The following KASH5 variants were observed in gnomAD, a reference collection of about 807,000 sequenced individuals.
The protein encoded by KASH5 is protein KASH5.
KASH5 carries 72 observed loss-of-function variants against 84.2 expected under a neutral mutation model. The ratio of observed to expected loss-of-function variants is 0.85; its 90% CI spans 0.71 to 1.04. The LOEUF (loss-of-function observed/expected upper bound fraction) is 1.04. Among genes scored for constraint, KASH5 ranks in the 50% least tolerant of loss-of-function variants. The pLI, the probability that KASH5 is intolerant of heterozygous loss-of-function variation, is 0.00. For synonymous variants in KASH5, 260 were observed against 279.1 expected (o/e 0.93, Z 0.68); for missense variants, 650 against 701.0 (o/e 0.93, Z 0.82).
At chr19:49,398,399 C>T (rs1974256099) in intron 7 of KASH5, among the ~76,000 whole-genome samples, 1 of 147,528 alleles carries the variant, frequency 6.8e-6, no homozygotes, top group Non-Finnish European at 1.5e-5. Context: ...GACAGGTTCT[C>T]ACTCTGTCAC....
Position 49,412,914 on chromosome 19 carries a change from T to G in KASH5, c.1270-54T>G. The G allele has an allele frequency of 1.3e-6, 2 of 1,582,646 alleles. No individual in the cohort carries two copies. Among genetic ancestry groups the G allele is most frequent in the Non-Finnish European group, 8.6e-7 (1 of 1,156,614 alleles). ...GGGGAGACAGTGGGCACTGTTAGGG[T>G]TGGAGCTTTGAGTGAGAAGAATCAG... On this transcript the variant is annotated intron_variant, in intron 15 of 19. Transcript: ENST00000447857. The surrounding 1 kb of genome is among the most constrained non-coding windows in gnomAD (Gnocchi z 4.6).
Position 49,395,183 on chromosome 19 carries a change from A to T in KASH5, c.226A>T (p.Thr76Ser), listed in dbSNP as rs1974134509. 6.2e-7 allele frequency: 1 copy of T among 1,612,916 alleles called. No homozygotes were observed. The highest frequency in any genetic ancestry group is 1.7e-5 in the Admixed American group (1 of 59,762). The change falls in exon 4 of 20, where the codon ACA (threonine) becomes TCA (serine). Residue 76 changes from threonine (T) to serine (S), a missense_variant. Coordinates refer to ENST00000447857, the MANE Select transcript of KASH5 (RefSeq NM_144688.5). This position sits in a 1 kb window ranked among gnomAD's most constrained non-coding sequence, Gnocchi z 4.4. ...GQGPQDARLQTLANSLDPNGE... is the reference protein window; with the variant it reads ...GQGPQDARLQSLANSLDPNGE... ...GGGCCCCCAGGATGCACGCCTCCAA[A>T]CATTGGCCAACAGCCTGGACCCCAA...
In KASH5 at chr19:49,417,625, C is replaced by CAGGGG. The variant is rs1424616231; in HGVS notation, c.*117_*121dup. 1 of 1,269,652 alleles carries CAGGGG rather than the reference C, an allele frequency of 7.9e-7. No individual in the cohort carries two copies. The highest frequency in any genetic ancestry group is 1.5e-5 in the African/African-American group (1 of 66,782). The allele number at this position is 1,269,652 out of a possible 1,614,324, so 78.6% of individuals were successfully genotyped here. On this transcript the variant is annotated 3_prime_UTR_variant, in exon 20 of 20. Transcript: ENST00000447857. The surrounding 1 kb of genome is among the most constrained non-coding windows in gnomAD (Gnocchi z 5.2). ...GCGCAGGCTTACCCTAGATAGAGTA[C>CAGGGG]AGGGGATCCACATCCCTGTATTTTT...
Position 49,412,606 on chromosome 19 carries a change from G to A in KASH5, c.1270-362G>A, listed in dbSNP as rs534005210. 5.9e-5 allele frequency among the ~76,000 whole-genome samples: 9 copies of A among 152,284 alleles called. No individual in the cohort carries two copies. The highest frequency in any genetic ancestry group is 5.8e-4 in the East Asian group (3 of 5,186). ...GTCTGGGAACCTGGGATGAGAAGGCGGTTGGACAGGGAAATGCTGATCTCC... is the reference window on the plus strand; with the variant it reads ...GTCTGGGAACCTGGGATGAGAAGGCAGTTGGACAGGGAAATGCTGATCTCC... On this transcript the variant is annotated intron_variant, in intron 15 of 19. Transcript: ENST00000447857. The surrounding 1 kb of genome is among the most constrained non-coding windows in gnomAD (Gnocchi z 4.6).
Position 49,412,823 on chromosome 19 carries a change from AGGT to A in KASH5, c.1270-140_1270-138del. On this transcript the variant is annotated intron_variant, in intron 15 of 19. Transcript: ENST00000447857. This position sits in a 1 kb window ranked among gnomAD's most constrained non-coding sequence, Gnocchi z 4.6. ...GCACGAGAGGAGGGCAGGTTGTAGA[AGGT>A]GGTGAATTCATGTGTAGGTTGCAGC... is the stretch of plus-strand genomic sequence containing the variant. 4.3e-6 allele frequency: 3 copies of A among 692,634 alleles called. No individual in the cohort carries two copies. The South Asian group carries it at 5.3e-5, about 12-fold the overall frequency. The allele number at this position is 692,634 out of a possible 1,614,324, so 42.9% of individuals were successfully genotyped here. A position where few individuals can be genotyped will look rare whatever the true frequency, so the allele number is the denominator to read the frequency against.
intron 7 of KASH5, 79 bp downstream of exon 7, chr19:49,398,222 GCTCGTGT>G: frequency 7.8e-7 from 1 of 1,282,672 alleles, no homozygotes; most frequent in Non-Finnish European, 1.1e-6. Context: ...TATCTCCCAT[GCTCGTGT>G]CTGCATCCTG....
At chr19:49,413,052 C>T (rs764222758) in intron 16 of KASH5, 26 bp downstream of exon 16, 3 of 1,607,140 alleles carry the variant, frequency 1.9e-6, no homozygotes, top group Non-Finnish European at 2.5e-6. Context: ...ATCCGTCTGC[C>T]TCAGGGTGAC....
chr19:49,407,370 G>T, intron 11 of KASH5, 74 bp downstream of exon 11: 1 of 1,519,840 alleles, frequency 6.6e-7, no homozygotes, highest in Non-Finnish European at 9.1e-7. Context: ...GTCTAGAAAG[G>T]GAAGTCCTAC....
intron 9 of KASH5, among the ~76,000 whole-genome samples, chr19:49,401,471 A>G (rs1974358653): frequency 6.6e-6 from 1 of 152,186 alleles, no homozygotes. Flanking sequence ...AGGTCTGGAG[A>G]GGACCCACCA....
In KASH5 at chr19:49,390,942, C is replaced by T. The variant is rs752988050; in HGVS notation, c.43+16C>T. ...ACTGCGGAAAGTAAGTGGCTGGAAC[C>T]CTATTTGCCCCGGGGAGGGTGAGGA... On this transcript the variant is annotated intron_variant, in intron 2 of 19. Coordinates refer to ENST00000447857, the MANE Select transcript of KASH5 (RefSeq NM_144688.5). The T allele has an allele frequency of 6.2e-7, 1 of 1,605,160 alleles. No individual in the cohort carries two copies. The highest frequency in any genetic ancestry group is 8.5e-7 in the Non-Finnish European group (1 of 1,176,272).
chr19:49,399,730 C>T lies in KASH5; in HGVS notation c.798+223C>T. The T allele has an allele frequency of 8.2e-6, 11 of 1,340,884 alleles. No individual in the cohort carries two copies. The highest frequency in any genetic ancestry group is 1.1e-5 in the Non-Finnish European group (11 of 1,013,500). 83.1% of individuals were successfully genotyped at this position (1,340,884 alleles called of 1,614,324 possible). On this transcript the variant is annotated intron_variant, in intron 9 of 19. Coordinates refer to ENST00000447857, the MANE Select transcript of KASH5 (RefSeq NM_144688.5). The surrounding 1 kb of genome is among the most constrained non-coding windows in gnomAD (Gnocchi z 4.4). ...CCTACATGGCTTCAGGCTGAGGCCA[C>T]CTACATAAGAGTGGACCAGTGCCTC...
rs766054182 is a variant in KASH5, at chr19:49,395,202, A to G, written c.245A>G (p.Asp82Gly). ...CTCCAAACATTGGCCAACAGCCTGGACCCCAATGGGGAGGGCCCTAAGGCC... is the reference window on the plus strand; with the variant it reads ...CTCCAAACATTGGCCAACAGCCTGGGCCCCAATGGGGAGGGCCCTAAGGCC... ...ARLQTLANSL[D>G]PNGEGPKATV... Residue 82 changes from aspartate (D) to glycine (G), a missense_variant, in exon 4 of 20, where the codon GAC becomes GGC. Asp to Gly is a moderately conservative substitution (Grantham distance 94). Coordinates refer to ENST00000447857, the MANE Select transcript of KASH5 (RefSeq NM_144688.5). The surrounding 1 kb of genome is among the most constrained non-coding windows in gnomAD (Gnocchi z 4.4). The G allele has an allele frequency of 9.9e-6, 16 of 1,612,430 alleles. No homozygotes were observed. Among genetic ancestry groups the G allele is most frequent in the African/African-American group, 1.3e-5 (1 of 74,830 alleles).
chr19:49,392,428 TC>T, intron 2 of KASH5, among the ~76,000 whole-genome samples: 2 of 152,008 alleles, frequency 1.3e-5, no homozygotes, highest in East Asian at 3.9e-4. Context: ...AAGGAGATCT[TC>T]CTGAGGAACA....
rs1974753938 is a variant in KASH5, at chr19:49,412,534, C to A, written c.1270-434C>A. Among the ~76,000 whole-genome samples the A allele has an allele frequency of 6.6e-6, 1 of 152,098 alleles. No individual in the cohort carries two copies. The highest frequency in any genetic ancestry group is 1.5e-5 in the Non-Finnish European group (1 of 68,016). ...CAATGCCAATATGTCTCTGGAGAAACCGAGAGGTACTTGGGTCCTGAGGGA... is the reference window on the plus strand; with the variant it reads ...CAATGCCAATATGTCTCTGGAGAAAACGAGAGGTACTTGGGTCCTGAGGGA... On this transcript the variant is annotated intron_variant, in intron 15 of 19. Coordinates refer to ENST00000447857, the MANE Select transcript of KASH5 (RefSeq NM_144688.5). This position sits in a 1 kb window ranked among gnomAD's most constrained non-coding sequence, Gnocchi z 4.6.
rs58307023 is a variant in KASH5 at position 49,417,639 on chromosome 19, C to T, written c.*129C>T. 3.5e-3 allele frequency: 4,136 copies of T among 1,175,136 alleles called. 95 individuals are homozygous for T. The African/African-American group carries it at 0.053, about 15-fold the overall frequency. The allele number at this position is 1,175,136 out of a possible 1,614,324, so 72.8% of individuals were successfully genotyped here. A position where few individuals can be genotyped will look rare whatever the true frequency, so the allele number is the denominator to read the frequency against. On this transcript the variant is annotated 3_prime_UTR_variant, in exon 20 of 20. Transcript: ENST00000447857. The surrounding 1 kb of genome is among the most constrained non-coding windows in gnomAD (Gnocchi z 5.2). ...TAGATAGAGTACAGGGGATCCACAT[C>T]CCTGTATTTTTATGTGAAGTCTCCT...
chr19:49,390,989 G>T, intron 2 of KASH5, 63 bp downstream of exon 2: 5 of 1,566,998 alleles, frequency 3.2e-6, no homozygotes, highest in Non-Finnish European at 4.4e-6. Flanking sequence ...GTGAATGGGT[G>T]CCAGGCTGTG....
At chr19:49,415,788 C>T (rs553567143) in intron 17 of KASH5, among the ~76,000 whole-genome samples, 9 of 152,302 alleles carry the variant, frequency 5.9e-5, no homozygotes, top group Admixed American at 2.0e-4. Flanking sequence ...GGGTTAAGGA[C>T]TATGTCATAA....
Position 49,395,442 on chromosome 19 carries a change from AG to A in KASH5, c.335+155del, listed in dbSNP as rs146383810. On this transcript the variant is annotated intron_variant, in intron 4 of 19. Transcript: ENST00000447857. The surrounding 1 kb of genome is among the most constrained non-coding windows in gnomAD (Gnocchi z 4.4). ...AGAAAAATGAAGAGACGGGATTCAG[AG>A]GGGGTAGATAGGGAGTCTGAGGACA... 9.1e-3 allele frequency: 7,814 copies of A among 858,700 alleles called. 414 individuals are homozygous for A. The African/African-American group carries it at 0.12, about 13-fold the overall frequency. The allele number at this position is 858,700 out of a possible 1,614,324, so 53.2% of individuals were successfully genotyped here. A position where few individuals can be genotyped will look rare whatever the true frequency, so the allele number is the denominator to read the frequency against.
chr19:49,396,703 G>C (rs1476344112), intron 5 of KASH5, among the ~76,000 whole-genome samples: 1 of 152,142 alleles, frequency 6.6e-6, no homozygotes, highest in Non-Finnish European at 1.5e-5. Context: ...ACTGGCACCT[G>C]GGTTTAGTTG....
Sources: allele counts gnomAD v4.1 joint callset (sites outside exome capture counted in the v4.1 genomes callset), GRCh38; gene constraint gnomAD v4.1.1; non-coding constraint Gnocchi (gnomAD v3.1); transcripts MANE v1.5; gene names NCBI Gene and HGNC (gene_info 2026-07-23, HGNC 2026-07-21).